Variants in CAMTA1 observed in about 807,000 individuals in gnomAD.
CAMTA1 encodes the protein calmodulin binding transcription activator 1.
Under a neutral mutation model 170.9 loss-of-function variants are expected in CAMTA1, and 27 were observed. That is an observed-to-expected ratio of 0.16 (90% CI 0.12 to 0.22). The LOEUF (loss-of-function observed/expected upper bound fraction) is 0.22, where lower values mean the gene tolerates loss of function less well. CAMTA1 is among the 10% of genes least tolerant of loss of function. The pLI is 1.00. For missense variants in CAMTA1, 1,619 were observed against 2,217.2 expected, an observed-to-expected ratio of 0.73 and a Z score of 5.42; for synonymous variants, 833 against 891.5, an observed-to-expected ratio of 0.93 and a Z score of 1.17.
In CAMTA1 at chr1:7,665,557, T is replaced by C. The variant is rs1422206783; in HGVS notation, c.2652+358T>C. On this transcript the variant is annotated intron_variant, in intron 9 of 22. Transcript: ENST00000303635. The surrounding 1 kb of genome is among the most constrained non-coding windows in gnomAD (Gnocchi z 4.3). ...AGTGAGAACTGGTTTCAACAAAATA[T>C]TAAAAAAATAAGCCAGGTGTGGTGG... Among the ~76,000 whole-genome samples the C allele has an allele frequency of 6.6e-6, 1 of 151,878 alleles. No individual in the cohort carries two copies. Among genetic ancestry groups the C allele is most frequent in the Non-Finnish European group, 1.5e-5 (1 of 67,968 alleles).
Position 7,133,851 on chromosome 1 carries a change from A to G in CAMTA1, c.302+42480A>G, listed in dbSNP as rs76150864. On this transcript the variant is annotated intron_variant, in intron 4 of 22. Transcript: ENST00000303635. ...TGTTTTATTATTAGTACAATGATAG[A>G]GTCATAGATTATTTGGTAACAGTTT... 2.6e-3 allele frequency among the ~76,000 whole-genome samples: 390 copies of G among 152,322 alleles called. 1 individual carries two copies. The highest frequency in any genetic ancestry group is 9.0e-3 in the African/African-American group (373 of 41,558).
rs182861657 is a variant in CAMTA1 at position 6,887,770 on chromosome 1, C to T, written c.234+62560C>T. The T allele has an allele frequency of 2.2e-4, 342 of 1,533,826 alleles. 3 individuals are homozygous for T. The East Asian group carries it at 5.3e-3, about 24-fold the overall frequency. ...GCAGAATTCGTAGGGAGAGCTTTCC[C>T]ATCCTGCCAGCCCCATGTCTGGCTT... On this transcript the variant is annotated intron_variant, in intron 3 of 22. Coordinates refer to ENST00000303635, the MANE Select transcript of CAMTA1 (RefSeq NM_015215.4). This position sits in a 1 kb window ranked among gnomAD's most constrained non-coding sequence, Gnocchi z 4.1.
intron 3 of CAMTA1, among the ~76,000 whole-genome samples, chr1:6,884,839 C>A (rs1672736468): frequency 6.6e-6 from 1 of 152,200 alleles, no homozygotes; most frequent in South Asian, 2.1e-4. Flanking sequence ...CTCCTAGGAG[C>A]ATGTAGAGAC....
At chr1:6,903,883 G>T (rs1677673350) in intron 3 of CAMTA1, among the ~76,000 whole-genome samples, 1 of 152,194 alleles carries the variant, frequency 6.6e-6, no homozygotes, top group Non-Finnish European at 1.5e-5. Flanking sequence ...TGTGGACATC[G>T]CAGACCTTCT....
chr1:7,226,283 A>G (rs1661681764), intron 4 of CAMTA1, among the ~76,000 whole-genome samples: 1 of 151,906 alleles, frequency 6.6e-6, no homozygotes, highest in Non-Finnish European at 1.5e-5. Context: ...CCCCTCGTGG[A>G]ATTACAATCA....
intron 3 of CAMTA1, among the ~76,000 whole-genome samples, chr1:6,962,528 C>T (rs1331090730): frequency 6.6e-6 from 1 of 150,638 alleles, no homozygotes; most frequent in African/African-American, 2.5e-5. Flanking sequence ...GACCTGCCCT[C>T]GTCTGGTCCC....
intron 4 of CAMTA1, among the ~76,000 whole-genome samples, chr1:7,227,153 G>T (rs1661858140): frequency 6.6e-6 from 1 of 152,000 alleles, no homozygotes; most frequent in African/African-American, 2.4e-5. Flanking sequence ...ATTTTTAGGG[G>T]TTTTCCACAC....
chr1:7,405,739 G>C (rs2090237727), intron 5 of CAMTA1, among the ~76,000 whole-genome samples: 1 of 102,638 alleles, frequency 9.7e-6, no homozygotes, highest in Non-Finnish European at 2.5e-5. Flanking sequence ...ATCTGTAAAT[G>C]GGTATAACAC....
At chr1:6,872,148 C>T (rs114697135) in intron 3 of CAMTA1, 495 of 267,248 alleles carry the variant, frequency 1.9e-3, no homozygotes, top group African/African-American at 0.011. Context: ...ATAACTTACA[C>T]ACACCCAGGA....
intron 5 of CAMTA1, among the ~76,000 whole-genome samples, chr1:7,337,628 G>A (rs112354090): frequency 2.0e-4 from 30 of 147,550 alleles, no homozygotes; most frequent in South Asian, 4.3e-4. Flanking sequence ...GTGGGCGGTG[G>A]GCCTCATCCA....
intron 5 of CAMTA1, among the ~76,000 whole-genome samples, chr1:7,384,048 C>G (rs1319164446): frequency 6.6e-6 from 1 of 152,132 alleles, no homozygotes. Flanking sequence ...ACTGGGCTGC[C>G]ACGCCCTGCT....
At chr1:7,705,420 G>A (rs2096506097) in intron 11 of CAMTA1, among the ~76,000 whole-genome samples, 1 of 151,334 alleles carries the variant, frequency 6.6e-6, no homozygotes, top group South Asian at 2.1e-4. Context: ...ACGCGTGTCT[G>A]GGTGCGCGCG....
intron 6 of CAMTA1, among the ~76,000 whole-genome samples, chr1:7,629,848 G>A (rs982083962): frequency 2.6e-5 from 4 of 151,860 alleles, no homozygotes; most frequent in Admixed American, 2.0e-4. Flanking sequence ...TGGCTTCTGT[G>A]GATCCTGGGA....
chr1:7,309,334 C>T, intron 5 of CAMTA1, among the ~76,000 whole-genome samples: 1 of 111,330 alleles, frequency 9.0e-6, no homozygotes, highest in East Asian at 3.1e-4. Context: ...GAGTCTCGCT[C>T]TGTCGCCCAG....
At chr1:7,531,903 C>A (rs550477161) in intron 6 of CAMTA1, among the ~76,000 whole-genome samples, 9 of 152,310 alleles carry the variant, frequency 5.9e-5, no homozygotes, top group South Asian at 2.1e-4. Context: ...GGCCACAGAA[C>A]CTTTGGGCTG....
intron 5 of CAMTA1, among the ~76,000 whole-genome samples, chr1:7,438,753 G>T (rs1575328172): frequency 6.6e-6 from 1 of 152,232 alleles, no homozygotes; most frequent in Admixed American, 6.5e-5. Context: ...GGGCCTCGAG[G>T]GTCCTGGTGG....
chr1:6,877,293 C>T (rs528107890), intron 3 of CAMTA1, among the ~76,000 whole-genome samples: 1 of 152,292 alleles, frequency 6.6e-6, no homozygotes, highest in African/African-American at 2.4e-5. Flanking sequence ...TTTGGTTGTG[C>T]CCTAGACCCT....
intron 6 of CAMTA1, among the ~76,000 whole-genome samples, chr1:7,598,783 G>A (rs2095419763): frequency 6.6e-6 from 1 of 152,150 alleles, no homozygotes; most frequent in African/African-American, 2.4e-5. Context: ...TTTTGATGGG[G>A]TTGTTTGTTT....
chr1:7,267,187 G>A (rs1669065794), intron 5 of CAMTA1, among the ~76,000 whole-genome samples: 1 of 152,188 alleles, frequency 6.6e-6, no homozygotes, highest in African/African-American at 2.4e-5. Context: ...GATTTGGAGA[G>A]ATCCCAGTTT....
Sources: gnomAD v4.1 joint callset for allele counts (sites outside exome capture counted in the v4.1 genomes callset) on GRCh38, gnomAD v4.1.1 for gene constraint, Gnocchi (gnomAD v3.1) non-coding constraint, MANE v1.5 for transcripts, NCBI Gene and HGNC (gene_info 2026-07-23, HGNC 2026-07-21) for gene names.